The following SERPINB8 variants were observed in gnomAD, a reference collection of about 807,000 sequenced individuals.
SERPINB8 encodes the protein serpin B8.
SERPINB8 carries 25 observed loss-of-function variants against 35.3 expected under a neutral mutation model. The observed-to-expected ratio is 0.71, with a 90% confidence interval of 0.52 to 0.99. The LOEUF is 0.99. SERPINB8 is among the 50% of genes least tolerant of loss of function. The pLI is 0.00. For missense variants in SERPINB8, 484 were observed against 446.5 expected (o/e 1.08, Z -0.76); for synonymous variants, 186 against 160.8 (o/e 1.16, Z -1.19).
chr18:63,994,469 G>A (rs1273183491), intron 1 of SERPINB8, among the ~76,000 whole-genome samples: 1 of 152,148 alleles, frequency 6.6e-6, no homozygotes, highest in African/African-American at 2.4e-5. Context: ...ATCTGCAAGA[G>A]TCTGAGGGTA....
chr18:64,014,941 A>AT (rs1488050692), intron 7 of SERPINB8, among the ~76,000 whole-genome samples: 2 of 152,190 alleles, frequency 1.3e-5, no homozygotes, highest in African/African-American at 2.4e-5. Flanking sequence ...TATTAAGCAC[A>AT]TTTTTTTAAA....
downstream of SERPINB8, among the ~76,000 whole-genome samples, chr18:64,007,836 G>T (rs918398142): frequency 1.3e-5 from 2 of 152,098 alleles, no homozygotes; most frequent in African/African-American, 4.8e-5. Flanking sequence ...CAACACTGGG[G>T]ATTACAAGTT....
chr18:63,970,144 C>CGGT lies in SERPINB8; in HGVS notation c.-35_-34insTGG. ...GTCAAAGCAGCAGCGGCGGCGGCGG[C>CGGT]GGCGGCAGCAGCAGCAGCAGCAGGA... On this transcript the variant is annotated 5_prime_UTR_variant, in exon 1 of 7. Transcript: ENST00000397985. 3 of 368,168 alleles carry CGGT rather than the reference C, an allele frequency of 8.1e-6. No individual in the cohort carries two copies. Among genetic ancestry groups the CGGT allele is most frequent in the South Asian group, 2.1e-5 (1 of 48,560 alleles). The allele number at this position is 368,168 out of a possible 1,614,324, so 22.8% of individuals were successfully genotyped here.
At chr18:63,984,961 A>T in intron 5 of SERPINB8, 132 bp from the exon 6 acceptor site, 1 of 828,738 alleles carries the variant, frequency 1.2e-6, no homozygotes, top group Non-Finnish European at 1.9e-6. Flanking sequence ...ACTAATGAAG[A>T]TTTTATATCT....
chr18:64,006,142 G>T (rs991477673), downstream of SERPINB8, among the ~76,000 whole-genome samples: 1 of 152,094 alleles, frequency 6.6e-6, no homozygotes, highest in Non-Finnish European at 1.5e-5. Flanking sequence ...CTGATAAAAT[G>T]GCCATGTGGT....
At chr18:64,015,212 C>T (rs2050944197) in intron 7 of SERPINB8, among the ~76,000 whole-genome samples, 1 of 152,110 alleles carries the variant, frequency 6.6e-6, no homozygotes, top group East Asian at 1.9e-4. Context: ...ATACCAGGGT[C>T]CAGCATTTGG....
intron 7 of SERPINB8, among the ~76,000 whole-genome samples, chr18:64,010,889 T>G (rs1466012457): frequency 6.6e-6 from 1 of 152,014 alleles, no homozygotes; most frequent in African/African-American, 2.4e-5. Flanking sequence ...ATTTATGATC[T>G]TCTGTTTCTT....
At chr18:63,999,697 C>T (rs1363482449) in intron 1 of SERPINB8, among the ~76,000 whole-genome samples, 1 of 152,174 alleles carries the variant, frequency 6.6e-6, no homozygotes, top group Non-Finnish European at 1.5e-5. Flanking sequence ...CCTTTACCTT[C>T]CTTTTTGATA....
chr18:63,970,910 G>T (rs1254529307), intron 1 of SERPINB8, among the ~76,000 whole-genome samples: 1 of 151,948 alleles, frequency 6.6e-6, no homozygotes, highest in African/African-American at 2.4e-5. Flanking sequence ...GCCCCTCTCT[G>T]TTGCAGCCAC....
chr18:64,000,317 A>G (rs2050868259), intron 1 of SERPINB8, among the ~76,000 whole-genome samples: 1 of 152,242 alleles, frequency 6.6e-6, no homozygotes, highest in Admixed American at 6.5e-5. Context: ...GGTTATTGTC[A>G]TAATCCCGCA....
At chr18:63,974,384 G>A (rs914240282) in intron 1 of SERPINB8, among the ~76,000 whole-genome samples, 8 of 152,180 alleles carry the variant, frequency 5.3e-5, no homozygotes, top group African/African-American at 1.9e-4. Context: ...GTATGGGGAT[G>A]GGGGAGTGGA....
At chr18:64,015,965 G>A (rs1599174006) in intron 7 of SERPINB8, among the ~76,000 whole-genome samples, 1 of 152,196 alleles carries the variant, frequency 6.6e-6, no homozygotes, top group African/African-American at 2.4e-5. Flanking sequence ...TGGAGGAAAC[G>A]CCTGCCACAG....
At position 63,989,197 on chromosome 18, in the gene SERPINB8, G is replaced by C. The variant is rs571185981; in HGVS notation, c.*1919G>C. On this transcript the variant is annotated 3_prime_UTR_variant, in exon 7 of 7. Coordinates refer to ENST00000397985, the MANE Select transcript of SERPINB8 (RefSeq NM_002640.4). ...CTGTCACTCAGTACAATTATTTTGAGATTCATTTATGTTATTGTATGTATC... is the reference window on the plus strand; with the variant it reads ...CTGTCACTCAGTACAATTATTTTGACATTCATTTATGTTATTGTATGTATC... The C allele has an allele frequency of 6.6e-6, 1 of 152,254 alleles. No individual in the cohort carries two copies. The highest frequency in any genetic ancestry group is 2.1e-4 in the South Asian group (1 of 4,822). 9.4% of individuals were successfully genotyped at this position (152,254 alleles called of 1,614,324 possible). A position where few individuals can be genotyped will look rare whatever the true frequency, so the allele number is the denominator to read the frequency against.
At chr18:64,000,324 C>T (rs1027814940) in intron 1 of SERPINB8, among the ~76,000 whole-genome samples, 13 of 152,144 alleles carry the variant, frequency 8.5e-5, no homozygotes, top group South Asian at 4.1e-4. Flanking sequence ...GTCATAATCC[C>T]GCAAATTCCA....
intron 1 of SERPINB8, among the ~76,000 whole-genome samples, chr18:63,999,694 C>G (rs1260114066): frequency 6.6e-6 from 1 of 152,166 alleles, no homozygotes; most frequent in African/African-American, 2.4e-5. Context: ...AGGCCTTTAC[C>G]TTCCTTTTTG....
chr18:63,997,939 C>T (rs1314711503), intron 1 of SERPINB8, among the ~76,000 whole-genome samples: 5 of 152,138 alleles, frequency 3.3e-5, no homozygotes, highest in African/African-American at 1.2e-4. Context: ...GTCATCTGCC[C>T]CAGAGATAAC....
At chr18:64,006,179 G>A (rs765113202), downstream of SERPINB8, among the ~76,000 whole-genome samples, 9 of 152,190 alleles carry the variant, frequency 5.9e-5, no homozygotes, top group Non-Finnish European at 1.2e-4. Flanking sequence ...CGTGAGTGCT[G>A]GGATGAGAGG....
intron 3 of SERPINB8, 60 bp downstream of exon 3, chr18:63,979,998 G>A: frequency 1.9e-6 from 3 of 1,541,550 alleles, no homozygotes; most frequent in East Asian, 2.3e-5. Flanking sequence ...CTACAGAAGA[G>A]CAGATAATAA....
chr18:64,008,601 A>G (rs936174293), downstream of SERPINB8, among the ~76,000 whole-genome samples: 5 of 151,988 alleles, frequency 3.3e-5, no homozygotes, highest in African/African-American at 4.8e-5. Context: ...CAATATACAA[A>G]AGCATAATAA....
Sources: allele counts gnomAD v4.1 joint callset (sites outside exome capture counted in the v4.1 genomes callset), GRCh38; gene constraint gnomAD v4.1.1; transcripts MANE v1.5; gene names NCBI Gene and HGNC (gene_info 2026-07-23, HGNC 2026-07-21).